The following ALDH18A1 variants were observed in gnomAD, a reference collection of about 807,000 sequenced individuals.
ALDH18A1 encodes the protein delta-1-pyrroline-5-carboxylate synthase.
A neutral mutation model predicts 88.8 loss-of-function variants in ALDH18A1; 44 were observed. The ratio of observed to expected loss-of-function variants is 0.50; its 90% CI spans 0.39 to 0.64. The LOEUF is 0.64. Ranked by LOEUF, ALDH18A1 falls within the 30% of genes least tolerant of loss-of-function variation. The pLI, the probability that ALDH18A1 is intolerant of heterozygous loss-of-function variation, is 0.00. For missense variants in ALDH18A1, 782 were observed against 1,009.5 expected (o/e 0.77, Z 3.05); for synonymous variants, 331 against 372.1 (o/e 0.89, Z 1.27).
At chr10:95,643,249 A>G in intron 2 of ALDH18A1, 43 bp from the exon 3 acceptor site, 1 of 1,590,184 alleles carries the variant, frequency 6.3e-7, no homozygotes, top group Non-Finnish European at 8.6e-7. Context: ...AGAAATACTC[A>G]ATATAGTTTT....
chr10:95,622,222 G>A (rs1443251771), intron 11 of ALDH18A1, among the ~76,000 whole-genome samples: 1 of 152,070 alleles, frequency 6.6e-6, no homozygotes, highest in Non-Finnish European at 1.5e-5. Flanking sequence ...TTTAGAGACA[G>A]GGTCTCAGTG....
chr10:95,622,751 A>C (rs1439960146), intron 11 of ALDH18A1, among the ~76,000 whole-genome samples: 2 of 151,848 alleles, frequency 1.3e-5, no homozygotes, highest in African/African-American at 4.8e-5. Context: ...GTTAGCCAGG[A>C]TGGTCTCCAT....
chr10:95,639,266 G>A (rs1485542220), intron 3 of ALDH18A1, among the ~76,000 whole-genome samples: 3 of 152,036 alleles, frequency 2.0e-5, no homozygotes, highest in African/African-American at 7.2e-5. Flanking sequence ...GGAGTTCAGG[G>A]CTGCAGTGAA....
intron 3 of ALDH18A1, among the ~76,000 whole-genome samples, chr10:95,637,962 CTCAAAAACAACAACAACA>C (rs1393746822): frequency 7.1e-6 from 1 of 139,978 alleles, no homozygotes; most frequent in Admixed American, 7.3e-5. Flanking sequence ...GAGATGCTGT[CTCAAAAACAACAACAACA>C]ACAACAACAA....
Position 95,621,084 on chromosome 10 carries a change from G to C in ALDH18A1, c.1414C>G (p.Pro472Ala). The C allele has an allele frequency of 1.2e-6, 2 of 1,614,064 alleles. No individual in the cohort carries two copies. The highest frequency in any genetic ancestry group is 1.7e-6 in the Non-Finnish European group (2 of 1,180,012). Residue 472 changes from proline to alanine, a missense_variant, in exon 12 of 18, where the codon CCA becomes GCA. Physicochemically the swap from Pro to Ala is conservative, Grantham distance 27. Around this residue, in one of 3 missense-constraint regions of ALDH18A1, gnomAD observed 556 missense variants for 654.5 expected, o/e 0.85. Transcript: ENST00000371224. Reference sequence around the variant, plus strand: ...AAGATCACCAGCAGAACTCCAATTGGGACAGTCACTTGTTCCAGTTCCAAG... The same window carrying C: ...AAGATCACCAGCAGAACTCCAATTGCGACAGTCACTTGTTCCAGTTCCAAG... ...KNLELEQVTVPIGVLLVIFES... is the reference protein window; with the variant it reads ...KNLELEQVTVAIGVLLVIFES...
rs201841420 is a variant in ALDH18A1 at position 95,633,499 on chromosome 10, C to T, written c.709G>A (p.Gly237Arg). 3.1e-6 allele frequency: 5 copies of T among 1,614,134 alleles called. No individual in the cohort carries two copies. The change falls in exon 6 of 18, where the codon GGG becomes AGG. Residue 237 changes from glycine to arginine, a missense_variant. Gly to Arg is a moderately radical substitution (Grantham distance 125). Around this residue, in one of 3 missense-constraint regions of ALDH18A1, gnomAD observed 132 missense variants for 255.5 expected, o/e 0.52. Coordinates refer to ENST00000371224, the MANE Select transcript of ALDH18A1 (RefSeq NM_002860.4). ...AGAAATACTTTACCCACATTTACCC[C>T]CTGCAGGTCACTGTTGGGCTCAGCT... ...PPAEPNSDLQGVNVISVKDND... is the reference protein window; with the variant it reads ...PPAEPNSDLQRVNVISVKDND...
intron 7 of ALDH18A1, among the ~76,000 whole-genome samples, chr10:95,631,733 G>A (rs11596004): frequency 0.78 from 104,441 of 134,110 alleles, 41,033 homozygotes; most frequent in Middle Eastern, 0.86. Flanking sequence ...ACAGGATAAG[G>A]CTCTGCCTCA....
At chr10:95,611,516 G>A (rs1462057625) in intron 15 of ALDH18A1, 74 bp from the exon 16 acceptor site, 5 of 1,560,222 alleles carry the variant, frequency 3.2e-6, no homozygotes, top group African/African-American at 1.4e-5. Flanking sequence ...AGAACAGAAA[G>A]GTGAGCCTGT....
At chr10:95,608,833 A>G (rs1477876105) in intron 17 of ALDH18A1, among the ~76,000 whole-genome samples, 1 of 152,144 alleles carries the variant, frequency 6.6e-6, no homozygotes, top group Non-Finnish European at 1.5e-5. Flanking sequence ...ATAATTCTCA[A>G]ATATTCAGAA....
At position 95,655,128 on chromosome 10, in the gene ALDH18A1, T is replaced by A. The variant is rs1047962124; in HGVS notation, c.-29+1469A>T. Among the ~76,000 whole-genome samples, 240 of 133,848 alleles carry A rather than the reference T, an allele frequency of 1.8e-3. 1 individual carries two copies. Among genetic ancestry groups the A allele is most frequent in the African/African-American group, 6.1e-3 (232 of 37,932 alleles). The allele number at this position is 133,848 out of a possible 152,430, so 87.8% of individuals were successfully genotyped here. A position where few individuals can be genotyped will look rare whatever the true frequency, so the allele number is the denominator to read the frequency against. The stretch of plus-strand genomic sequence containing the variant: ...CTTGTGGAGAGTTACCCAATTTTTC[T>A]TTATTATTATTATTATTATTATTAT... On this transcript the variant is annotated intron_variant, in intron 1 of 17. Transcript: ENST00000371224.
chr10:95,635,427 T>C (rs2097878807), intron 5 of ALDH18A1, among the ~76,000 whole-genome samples: 1 of 152,176 alleles, frequency 6.6e-6, no homozygotes, highest in African/African-American at 2.4e-5. Context: ...GAAAAGTACG[T>C]GTTTAGACAA....
intron 12 of ALDH18A1, among the ~76,000 whole-genome samples, chr10:95,619,632 C>T (rs1335973032): frequency 1.3e-5 from 2 of 152,080 alleles, no homozygotes; most frequent in East Asian, 3.8e-4. Flanking sequence ...GAAATAACAC[C>T]ACACATCTAC....
In ALDH18A1 at chr10:95,633,013, G is replaced by C; in HGVS notation, c.754C>G (p.Arg252Gly). The C allele has an allele frequency of 6.2e-7, 1 of 1,614,068 alleles. No homozygotes were observed. Among genetic ancestry groups the C allele is most frequent in the Non-Finnish European group, 8.5e-7 (1 of 1,179,980 alleles). The change falls in exon 7 of 18, where the codon CGA becomes GGA. Residue 252 changes from arginine (R) to glycine (G), a missense_variant. Coordinates refer to ENST00000371224, the MANE Select transcript of ALDH18A1 (RefSeq NM_002860.4). ...SVKDNDSLAA[R>G]LAVEMKTDLL... Reference sequence around the variant, plus strand: ...TCAGTTTTCATTTCCACAGCCAGTCGGGCAGCCAGGCTATCATTATCTTTA... The same window carrying C: ...TCAGTTTTCATTTCCACAGCCAGTCCGGCAGCCAGGCTATCATTATCTTTA...
chr10:95,615,572 AAAG>A (rs1316338082), intron 13 of ALDH18A1, among the ~76,000 whole-genome samples: 5 of 152,150 alleles, frequency 3.3e-5, no homozygotes, highest in Admixed American at 2.6e-4. Context: ...AATAGGAAGA[AAAG>A]GAGGGAGGGC....
At chr10:95,639,109 A>G (rs1354369912) in intron 3 of ALDH18A1, among the ~76,000 whole-genome samples, 1 of 152,128 alleles carries the variant, frequency 6.6e-6, no homozygotes, top group South Asian at 2.1e-4. Flanking sequence ...AGGTGGGACG[A>G]CTGCTTGAGG....
rs531048607 is a variant in ALDH18A1 at position 95,628,579 on chromosome 10, T to C, written c.809-87A>G. The C allele has an allele frequency of 1.6e-5, 24 of 1,517,426 alleles. 1 individual carries two copies. In the South Asian group the frequency reaches 2.5e-4, roughly 16 times the overall value. 94.0% of individuals were successfully genotyped at this position (1,517,426 alleles called of 1,614,324 possible). A position where few individuals can be genotyped will look rare whatever the true frequency, so the allele number is the denominator to read the frequency against. The stretch of plus-strand genomic sequence containing the variant: ...CCCAGGGCACCTGCCAATCACTCTG[T>C]ACTTTACTCATCCAAATGAATTCCA... On this transcript the variant is annotated intron_variant, in intron 7 of 17. Coordinates refer to ENST00000371224, the MANE Select transcript of ALDH18A1 (RefSeq NM_002860.4).
intron 2 of ALDH18A1, among the ~76,000 whole-genome samples, chr10:95,644,818 A>G (rs1471246644): frequency 6.6e-6 from 1 of 152,208 alleles, no homozygotes; most frequent in Non-Finnish European, 1.5e-5. Context: ...TTCTTGGAAC[A>G]TGGGTATGAA....
intron 2 of ALDH18A1, among the ~76,000 whole-genome samples, chr10:95,644,864 A>G (rs960162716): frequency 1.3e-5 from 2 of 152,248 alleles, no homozygotes; most frequent in African/African-American, 4.8e-5. Context: ...GACTAGAAGG[A>G]ACTGTGAAGC....
intron 14 of ALDH18A1, 46 bp downstream of exon 14, chr10:95,613,920 A>G (rs1405456929): frequency 1.2e-5 from 19 of 1,614,042 alleles, no homozygotes; most frequent in Non-Finnish European, 1.6e-5. Context: ...GCTGCAGAGG[A>G]TGTAATATTT....
Sources: allele counts gnomAD v4.1 joint callset (sites outside exome capture counted in the v4.1 genomes callset), GRCh38; gene constraint gnomAD v4.1.1; regional missense constraint gnomAD v4.1.1; transcripts MANE v1.5; gene names NCBI Gene and HGNC (gene_info 2026-07-23, HGNC 2026-07-21).